XXYLT1: variants seen among roughly 807,000 people sequenced by gnomAD.
XXYLT1 encodes the protein xyloside xylosyltransferase 1, also known as UDP-xylose:alpha-xyloside alpha-1,3-xylosyltransferase.
In XXYLT1, 20 loss-of-function variants were observed where a neutral mutation model predicts 28.9. That is an observed-to-expected ratio of 0.69 (90% CI 0.49 to 1.00). The LOEUF (loss-of-function observed/expected upper bound fraction) is 1.00, where lower values mean the gene tolerates loss of function less well. XXYLT1 is among the 50% of genes least tolerant of loss of function. The probability of loss-of-function intolerance (pLI) is 0.00; values close to 1 mark genes in which losing one functional copy is unlikely to be tolerated. For synonymous variants in XXYLT1, 257 were observed against 253.8 expected, an observed-to-expected ratio of 1.01 and a Z score of -0.12; for missense variants, 542 against 560.1, an observed-to-expected ratio of 0.97 and a Z score of 0.33.
At chr3:195,185,140 A>T (rs1033916026) in intron 2 of XXYLT1, among the ~76,000 whole-genome samples, 2 of 150,708 alleles carry the variant, frequency 1.3e-5, no homozygotes, top group Admixed American at 6.6e-5. Context: ...GAAGGAAGGA[A>T]GGAAGGAAGG....
intron 3 of XXYLT1, among the ~76,000 whole-genome samples, chr3:195,149,674 G>A (rs1720082561): frequency 6.6e-6 from 1 of 152,044 alleles, no homozygotes; most frequent in Non-Finnish European, 1.5e-5. Flanking sequence ...TTGATCCCCT[G>A]GTTTCCAATA....
chr3:195,141,218 T>C (rs1719472120), intron 3 of XXYLT1, among the ~76,000 whole-genome samples: 2 of 152,226 alleles, frequency 1.3e-5, no homozygotes, highest in South Asian at 4.1e-4. Context: ...ATCTATACAG[T>C]CAGGGCACTT....
At chr3:195,147,267 C>A (rs1344810649) in intron 3 of XXYLT1, among the ~76,000 whole-genome samples, 3 of 152,092 alleles carry the variant, frequency 2.0e-5, no homozygotes, top group African/African-American at 2.4e-5. Flanking sequence ...ACACAATGAG[C>A]CAAATAAAAA....
intron 3 of XXYLT1, 52 bp from the exon 4 acceptor site, chr3:195,070,163 C>CG: frequency 6.7e-7 from 1 of 1,499,682 alleles, no homozygotes; most frequent in Non-Finnish European, 8.8e-7. Context: ...ACCAGCCTGC[C>CG]GGCCTGCTGC....
Position 195,168,605 on chromosome 3 carries a change from G to A in XXYLT1, c.653-12024C>T, listed in dbSNP as rs1721245993. Among the ~76,000 whole-genome samples, 1 of 152,198 alleles carries A rather than the reference G, an allele frequency of 6.6e-6. No individual in the cohort carries two copies. Among genetic ancestry groups the A allele is most frequent in the South Asian group, 2.1e-4 (1 of 4,832 alleles). ...GCTGAGAGAGGGCCCTGCCTATGAA[G>A]GAGAACCAGAGACTGGGAGGTGCTG... On this transcript the variant is annotated intron_variant, in intron 2 of 3. Transcript: ENST00000310380. This position sits in a 1 kb window ranked among gnomAD's most constrained non-coding sequence, Gnocchi z 4.3.
At chr3:195,155,483 G>A (rs1228152820) in intron 3 of XXYLT1, among the ~76,000 whole-genome samples, 4 of 152,022 alleles carry the variant, frequency 2.6e-5, no homozygotes, top group African/African-American at 4.8e-5. Flanking sequence ...CCAGGCCCAG[G>A]GCCACAGGCC....
intron 2 of XXYLT1, among the ~76,000 whole-genome samples, chr3:195,165,009 C>G (rs1260788017): frequency 6.6e-6 from 1 of 152,006 alleles, no homozygotes; most frequent in Non-Finnish European, 1.5e-5. Flanking sequence ...AGCCTGGACT[C>G]TCAGCACAGG....
intron 2 of XXYLT1, among the ~76,000 whole-genome samples, chr3:195,226,397 GCAAA>G (rs1009619225): frequency 8.5e-5 from 13 of 152,162 alleles, no homozygotes; most frequent in Non-Finnish European, 1.8e-4. Flanking sequence ...TTTCAGATGA[GCAAA>G]CAAAGTATGG....
chr3:195,204,040 T>C (rs759229115), intron 2 of XXYLT1, among the ~76,000 whole-genome samples: 5 of 152,128 alleles, frequency 3.3e-5, no homozygotes, highest in Non-Finnish European at 7.3e-5. Flanking sequence ...TCACCACACA[T>C]AGTGTTAGAG....
chr3:195,185,114 GA>G (rs1265047583), intron 2 of XXYLT1, among the ~76,000 whole-genome samples: 1 of 133,946 alleles, frequency 7.5e-6, no homozygotes, highest in African/African-American at 3.5e-5. Context: ...AGGAAGGAAG[GA>G]AGGAAGGAAG....
intron 2 of XXYLT1, among the ~76,000 whole-genome samples, chr3:195,174,990 T>C (rs979122702): frequency 4.6e-5 from 7 of 152,124 alleles, no homozygotes; most frequent in African/African-American, 1.4e-4. Flanking sequence ...AGGGCTTGGA[T>C]TGTCCCTTAG....
rs953822972 is a variant in XXYLT1, at chr3:195,076,146, C to T, written c.786-6035G>A. On this transcript the variant is annotated intron_variant, in intron 3 of 3. Transcript: ENST00000310380. The surrounding 1 kb of genome is among the most constrained non-coding windows in gnomAD (Gnocchi z 5.3). ...TTTGCAACTGCTGGCATCTCTGCAC[C>T]ATCTGCACAGCCTGAGAGAACAGAG... Among the ~76,000 whole-genome samples, 21 of 152,212 alleles carry T rather than the reference C, an allele frequency of 1.4e-4. No individual in the cohort carries two copies. Among genetic ancestry groups the T allele is most frequent in the African/African-American group, 5.1e-4 (21 of 41,450 alleles).
At position 195,069,505 on chromosome 3, in the gene XXYLT1, A is replaced by G. The variant is rs957059825; in HGVS notation, c.*210T>C. On this transcript the variant is annotated 3_prime_UTR_variant, in exon 4 of 4. Coordinates refer to ENST00000310380, the MANE Select transcript of XXYLT1 (RefSeq NM_152531.5). The stretch of plus-strand genomic sequence containing the variant: ...TTTGTGTCGCCTGCTCCCTGGAGGA[A>G]TAAGGTCCCAAGCACCAGCAGTGCA... 19 of 626,084 alleles carry G rather than the reference A, an allele frequency of 3.0e-5. No individual in the cohort carries two copies. The highest frequency in any genetic ancestry group is 5.5e-5 in the African/African-American group (3 of 54,496). 38.8% of individuals were successfully genotyped at this position (626,084 alleles called of 1,614,324 possible). A position where few individuals can be genotyped will look rare whatever the true frequency, so the allele number is the denominator to read the frequency against.
chr3:195,204,484 TCTC>T, intron 2 of XXYLT1, among the ~76,000 whole-genome samples: 1 of 151,286 alleles, frequency 6.6e-6, no homozygotes, highest in Non-Finnish European at 1.5e-5. Flanking sequence ...TCACTCTCTC[TCTC>T]TCTCTCTCTC....
chr3:195,157,860 T>C (rs1295233521), intron 2 of XXYLT1, among the ~76,000 whole-genome samples: 1 of 152,206 alleles, frequency 6.6e-6, no homozygotes, highest in African/African-American at 2.4e-5. Flanking sequence ...ATTGACCCTG[T>C]GACCCAGGGA....
intron 3 of XXYLT1, among the ~76,000 whole-genome samples, chr3:195,110,923 G>GTGGTGT: frequency 6.5e-5 from 1 of 15,284 alleles, no homozygotes; most frequent in African/African-American, 2.1e-4. Flanking sequence ...GTGTGTGTGT[G>GTGGTGT]GTGTGTGTGA....
rs200544076 is a variant in XXYLT1, at chr3:195,134,868, T to TGCGC, written c.785+21580_785+21581insGCGC. Among the ~76,000 whole-genome samples, 169 of 100,190 alleles carry TGCGC rather than the reference T, an allele frequency of 1.7e-3. 1 individual carries two copies. Among genetic ancestry groups the TGCGC allele is most frequent in the African/African-American group, 6.0e-3 (148 of 24,678 alleles). The allele number at this position is 100,190 out of a possible 152,430, so 65.7% of individuals were successfully genotyped here. ...GTGTGTGTGTGTGTGTGTGTGTGTG[T>TGCGC]GCGTGTGCGCGCGTGCGCGCACGTG... On this transcript the variant is annotated intron_variant, in intron 3 of 3. Transcript: ENST00000310380.
chr3:195,135,786 G>A (rs189633471), intron 3 of XXYLT1, among the ~76,000 whole-genome samples: 1 of 152,288 alleles, frequency 6.6e-6, no homozygotes, highest in East Asian at 1.9e-4. Context: ...CACCTTAGAT[G>A]GATAAATGGA....
At chr3:195,246,186 C>A (rs897301741) in intron 1 of XXYLT1, among the ~76,000 whole-genome samples, 10 of 152,176 alleles carry the variant, frequency 6.6e-5, no homozygotes. Flanking sequence ...CTTTCAAAAT[C>A]TCAATTTGCT....
Sources: allele counts gnomAD v4.1 joint callset (sites outside exome capture counted in the v4.1 genomes callset), GRCh38; gene constraint gnomAD v4.1.1; non-coding constraint Gnocchi (gnomAD v3.1); transcripts MANE v1.5; gene names NCBI Gene and HGNC (gene_info 2026-07-23, HGNC 2026-07-21).